NTM: variants seen among roughly 807,000 people sequenced by gnomAD.
NTM encodes the protein IgLON family member 2.
NTM carries 13 observed loss-of-function variants against 42.1 expected under a neutral mutation model. That is an observed-to-expected ratio of 0.31 (90% confidence interval 0.20 to 0.49). The LOEUF (loss-of-function observed/expected upper bound fraction) is 0.49, where lower values mean the gene tolerates loss of function less well. Ranked by LOEUF, NTM falls within the 20% of genes least tolerant of loss-of-function variation. The pLI is 0.99. For missense variants in NTM, 373 were observed against 452.8 expected, an observed-to-expected ratio of 0.82 and a Z score of 1.60; for synonymous variants, 187 against 179.2, an observed-to-expected ratio of 1.04 and a Z score of -0.35.
At chr11:132,235,046 G>C (rs759109939) in intron 4 of NTM, among the ~76,000 whole-genome samples, 1 of 152,180 alleles carries the variant, frequency 6.6e-6, no homozygotes, top group African/African-American at 2.4e-5. Context: ...GATGCAGAGC[G>C]CTCCATATGA....
intron 2 of NTM, among the ~76,000 whole-genome samples, chr11:131,929,858 G>C (rs538712512): frequency 3.5e-4 from 53 of 152,302 alleles, no homozygotes; most frequent in Admixed American, 1.2e-3. Flanking sequence ...GCTACCTCGT[G>C]CTCATGGTCC....
At chr11:131,645,010 G>A (rs2065598740) in intron 1 of NTM, among the ~76,000 whole-genome samples, 1 of 152,078 alleles carries the variant, frequency 6.6e-6, no homozygotes, top group Admixed American at 6.6e-5. Context: ...GCTTCTCTGG[G>A]TCCACGTTTG....
At chr11:131,566,104 C>T (rs530310527) in intron 1 of NTM, among the ~76,000 whole-genome samples, 14 of 152,292 alleles carry the variant, frequency 9.2e-5, no homozygotes, top group Admixed American at 5.9e-4. Context: ...CTTAACGTCT[C>T]TCCCTTCCAG....
At chr11:131,583,527 G>A (rs1393225815) in intron 1 of NTM, among the ~76,000 whole-genome samples, 5 of 152,186 alleles carry the variant, frequency 3.3e-5, no homozygotes, top group Admixed American at 1.3e-4. Flanking sequence ...CCTGGCAAGT[G>A]TGCAATTCAG....
intron 1 of NTM, among the ~76,000 whole-genome samples, chr11:131,898,837 T>C (rs2052687491): frequency 6.6e-6 from 1 of 152,174 alleles, no homozygotes; most frequent in Non-Finnish European, 1.5e-5. Flanking sequence ...AATTGAAAAA[T>C]AATCTAGTTT....
chr11:131,648,590 CTTAAT>C (rs2066061537), intron 1 of NTM, among the ~76,000 whole-genome samples: 1 of 152,118 alleles, frequency 6.6e-6, no homozygotes, highest in Non-Finnish European at 1.5e-5. Flanking sequence ...GATTTCAATT[CTTAAT>C]TTAGGTAATT....
At chr11:131,893,789 T>G (rs1319491638) in intron 1 of NTM, among the ~76,000 whole-genome samples, 1 of 152,116 alleles carries the variant, frequency 6.6e-6, no homozygotes, top group Non-Finnish European at 1.5e-5. Context: ...ACCTCAGAGT[T>G]GGTCTCCATC....
At chr11:131,425,657 G>A (rs1358585805) in intron 1 of NTM, among the ~76,000 whole-genome samples, 1 of 152,178 alleles carries the variant, frequency 6.6e-6, no homozygotes, top group Non-Finnish European at 1.5e-5. Context: ...GGCAAAGCAG[G>A]ATCACTTAGG....
At chr11:131,822,710 GA>G (rs1436369649) in intron 1 of NTM, among the ~76,000 whole-genome samples, 3 of 152,300 alleles carry the variant, frequency 2.0e-5, no homozygotes, top group Admixed American at 1.3e-4. Flanking sequence ...ATATTTGAGT[GA>G]AGGGTTCATT....
intron 2 of NTM, among the ~76,000 whole-genome samples, chr11:131,914,248 T>A (rs1367788695): frequency 1.3e-5 from 2 of 152,168 alleles, no homozygotes; most frequent in East Asian, 1.9e-4. Context: ...TGCTTTGTAT[T>A]GTGTGTGTGT....
At chr11:131,872,706 T>G (rs598829) in intron 1 of NTM, among the ~76,000 whole-genome samples, 116,191 of 152,164 alleles carry the variant, frequency 0.76, 45,211 homozygotes, top group East Asian at 0.97. Flanking sequence ...TTTTATATCA[T>G]TTGATAGTGG....
At chr11:131,861,639 C>T (rs1376182089) in intron 1 of NTM, among the ~76,000 whole-genome samples, 1 of 152,192 alleles carries the variant, frequency 6.6e-6, no homozygotes, top group East Asian at 1.9e-4. Flanking sequence ...CTAAAAATTT[C>T]ACTCCTGGCT....
intron 1 of NTM, among the ~76,000 whole-genome samples, chr11:131,399,061 G>C (rs192524618): frequency 6.6e-6 from 1 of 152,162 alleles, no homozygotes; most frequent in Non-Finnish European, 1.5e-5. Flanking sequence ...AGTGCACTTG[G>C]AGAGAAATGC....
intron 1 of NTM, among the ~76,000 whole-genome samples, chr11:131,758,247 C>T (rs779185365): frequency 6.6e-6 from 1 of 152,048 alleles, no homozygotes; most frequent in Admixed American, 6.6e-5. Flanking sequence ...TTTAATACAA[C>T]TTCTGTCTTC....
chr11:131,811,706 G>A (rs1054559288), intron 1 of NTM, among the ~76,000 whole-genome samples: 16 of 152,186 alleles, frequency 1.1e-4, no homozygotes, highest in African/African-American at 2.7e-4. Context: ...AGAGTGAGTC[G>A]TGATGGATGG....
At chr11:131,454,674 A>T (rs1950737327) in intron 1 of NTM, among the ~76,000 whole-genome samples, 1 of 152,160 alleles carries the variant, frequency 6.6e-6, no homozygotes, top group Admixed American at 6.5e-5. Flanking sequence ...TTGTCTTCAC[A>T]GGCAGTGTGT....
intron 1 of NTM, among the ~76,000 whole-genome samples, chr11:131,505,338 G>A (rs142516331): frequency 6.6e-6 from 1 of 152,230 alleles, no homozygotes; most frequent in African/African-American, 2.4e-5. Context: ...ATTTCATTGT[G>A]TTTAATTTTT....
intron 1 of NTM, among the ~76,000 whole-genome samples, chr11:131,416,239 C>T (rs2135790685): frequency 6.6e-6 from 1 of 151,566 alleles, no homozygotes; most frequent in East Asian, 1.9e-4. Flanking sequence ...AGGGACATAT[C>T]TCAATATTGT....
At chr11:131,700,191 A>G (rs2075933339) in intron 1 of NTM, among the ~76,000 whole-genome samples, 1 of 152,150 alleles carries the variant, frequency 6.6e-6, no homozygotes, top group Non-Finnish European at 1.5e-5. Context: ...TATATTGGTT[A>G]CCAGCCAAAA....
Sources: allele counts gnomAD v4.1 joint callset (sites outside exome capture counted in the v4.1 genomes callset), GRCh38; gene constraint gnomAD v4.1.1; transcripts MANE v1.5; gene names NCBI Gene and HGNC (gene_info 2026-07-23, HGNC 2026-07-21).